The following ERC2 variants were observed in gnomAD, a reference collection of about 807,000 sequenced individuals.
ERC2 encodes the protein ERC protein 2.
Under a neutral mutation model 114.8 loss-of-function variants are expected in ERC2, and 42 were observed. The ratio of observed to expected loss-of-function variants is 0.37; its 90% CI spans 0.29 to 0.47. The LOEUF (loss-of-function observed/expected upper bound fraction) is 0.47. Among genes scored for constraint, ERC2 ranks in the 20% least tolerant of loss-of-function variants. ERC2 has a pLI of 0.99. For synonymous variants in ERC2, 454 were observed against 425.5 expected, an observed-to-expected ratio of 1.07 and a Z score of -0.82; for missense variants, 939 against 1,150.7, an observed-to-expected ratio of 0.82 and a Z score of 2.66.
chr3:56,031,699 A>C (rs1440952814), intron 7 of ERC2, among the ~76,000 whole-genome samples: 3 of 152,248 alleles, frequency 2.0e-5, no homozygotes, highest in Non-Finnish European at 4.4e-5. Flanking sequence ...CATAACAATC[A>C]TCTTTAAAAA....
intron 13 of ERC2, among the ~76,000 whole-genome samples, chr3:55,930,710 TA>T (rs1293973151): frequency 6.6e-6 from 1 of 152,138 alleles, no homozygotes; most frequent in Admixed American, 6.5e-5. Context: ...CCTTCATGAC[TA>T]AAACACCAAA....
intron 14 of ERC2, among the ~76,000 whole-genome samples, chr3:55,799,363 T>TAG (rs202170571): frequency 0.013 from 1,859 of 144,058 alleles, 51 homozygotes; most frequent in African/African-American, 0.044. Context: ...CCACAATTCT[T>TAG]ATATATATAT....
At chr3:55,851,756 A>G (rs1334419175) in intron 14 of ERC2, among the ~76,000 whole-genome samples, 3 of 141,556 alleles carry the variant, frequency 2.1e-5, no homozygotes, top group Non-Finnish European at 4.6e-5. Context: ...ACTGCATGAG[A>G]AAAAAAAAAA....
At chr3:56,426,393 C>T (rs1308265290) in intron 2 of ERC2, among the ~76,000 whole-genome samples, 1 of 152,212 alleles carries the variant, frequency 6.6e-6, no homozygotes, top group Non-Finnish European at 1.5e-5. Context: ...AGCAGCCTTT[C>T]CCAAAGTGTG....
chr3:56,350,669 C>A (rs2058519177), intron 2 of ERC2, among the ~76,000 whole-genome samples: 1 of 151,994 alleles, frequency 6.6e-6, no homozygotes, highest in Non-Finnish European at 1.5e-5. Context: ...AGAAGGCCTT[C>A]AAGGGACAGT....
intron 17 of ERC2, among the ~76,000 whole-genome samples, chr3:55,621,154 G>GC (rs1253498923): frequency 4.0e-5 from 6 of 151,130 alleles, no homozygotes; most frequent in East Asian, 1.9e-4. Flanking sequence ...GACTCTAACT[G>GC]CCCCCCCTCC....
intron 2 of ERC2, among the ~76,000 whole-genome samples, chr3:56,393,833 G>A (rs2060210760): frequency 6.6e-6 from 1 of 152,036 alleles, no homozygotes; most frequent in Non-Finnish European, 1.5e-5. Flanking sequence ...ATAAGCCTCA[G>A]TGAAGATCAA....
At chr3:55,798,494 C>A (rs540055852) in intron 14 of ERC2, among the ~76,000 whole-genome samples, 122 of 151,398 alleles carry the variant, frequency 8.1e-4, no homozygotes, top group Non-Finnish European at 1.5e-3. Flanking sequence ...GCTACTCGGG[C>A]AGCTGAGGCA....
chr3:55,909,657 C>T (rs886769412), intron 13 of ERC2, among the ~76,000 whole-genome samples: 8 of 151,998 alleles, frequency 5.3e-5, no homozygotes, highest in East Asian at 3.9e-4. Flanking sequence ...ATCTTTGGCA[C>T]GGACCCTGAG....
chr3:55,608,407 C>G (rs1250013866), intron 17 of ERC2, among the ~76,000 whole-genome samples: 1 of 152,164 alleles, frequency 6.6e-6, no homozygotes, highest in Non-Finnish European at 1.5e-5. Context: ...CAGAGGCAAT[C>G]ATATAATTAC....
At chr3:55,845,694 C>G (rs2149226370) in intron 14 of ERC2, among the ~76,000 whole-genome samples, 1 of 152,292 alleles carries the variant, frequency 6.6e-6, no homozygotes, top group Middle Eastern at 3.4e-3. Flanking sequence ...TGCAATGAGT[C>G]TGAATCTATA....
chr3:56,304,591 T>C (rs1030888848), intron 2 of ERC2, among the ~76,000 whole-genome samples: 1 of 152,124 alleles, frequency 6.6e-6, no homozygotes, highest in African/African-American at 2.4e-5. Flanking sequence ...TACCTTCTAG[T>C]CCAAACTTCA....
At chr3:56,254,186 G>A (rs529691806) in intron 3 of ERC2, among the ~76,000 whole-genome samples, 1 of 152,360 alleles carries the variant, frequency 6.6e-6, no homozygotes, top group Non-Finnish European at 1.5e-5. Context: ...CCCATGGATT[G>A]CTGCGGCATG....
chr3:56,320,835 T>C (rs1307848555), intron 2 of ERC2, among the ~76,000 whole-genome samples: 2 of 152,212 alleles, frequency 1.3e-5, no homozygotes, highest in Non-Finnish European at 2.9e-5. Context: ...CCTTATACTG[T>C]GGCAACAAAC....
At chr3:56,123,246 G>T (rs1366001354) in intron 6 of ERC2, among the ~76,000 whole-genome samples, 2 of 152,086 alleles carry the variant, frequency 1.3e-5, no homozygotes, top group Admixed American at 1.3e-4. Flanking sequence ...GCCTTTTAGA[G>T]GTAATTAGGT....
chr3:56,150,160 T>A (rs1194582781), intron 4 of ERC2, among the ~76,000 whole-genome samples: 1 of 152,146 alleles, frequency 6.6e-6, no homozygotes, highest in African/African-American at 2.4e-5. Flanking sequence ...GAACAATCTA[T>A]CAACTTTTTT....
At chr3:56,213,586 G>A (rs2049230313) in intron 3 of ERC2, among the ~76,000 whole-genome samples, 1 of 152,174 alleles carries the variant, frequency 6.6e-6, no homozygotes, top group Admixed American at 6.5e-5. Context: ...TCTGCCTCTG[G>A]GGGCAGAGCA....
chr3:55,843,932 G>A (rs1471493273), intron 14 of ERC2, among the ~76,000 whole-genome samples: 1 of 152,230 alleles, frequency 6.6e-6, no homozygotes, highest in African/African-American at 2.4e-5. Context: ...ATTGGAATGA[G>A]ACAAGGATTG....
chr3:55,942,469 T>G (rs1297610406), intron 13 of ERC2, among the ~76,000 whole-genome samples: 4 of 149,970 alleles, frequency 2.7e-5, no homozygotes, highest in Non-Finnish European at 4.5e-5. Flanking sequence ...TTTTTTTTTT[T>G]TGTATTTTTA....
Sources: allele counts gnomAD v4.1 joint callset (sites outside exome capture counted in the v4.1 genomes callset), GRCh38; gene constraint gnomAD v4.1.1; transcripts MANE v1.5; gene names NCBI Gene and HGNC (gene_info 2026-07-23, HGNC 2026-07-21).